CAST: variants seen among roughly 807,000 people sequenced by gnomAD.
The protein encoded by CAST is calpastatin, also known as MIR583 host.
Under a neutral mutation model 119.6 loss-of-function variants are expected in CAST, and 76 were observed. The observed-to-expected ratio is 0.64, with a 90% confidence interval of 0.53 to 0.77. The LOEUF (loss-of-function observed/expected upper bound fraction) is 0.77, where lower values mean the gene tolerates loss of function less well. Ranked by LOEUF, CAST falls within the 30% of genes least tolerant of loss-of-function variation. The pLI is 0.00. For synonymous variants in CAST, 319 were observed against 331.6 expected, an observed-to-expected ratio of 0.96 and a Z score of 0.41; for missense variants, 953 against 946.5, an observed-to-expected ratio of 1.01 and a Z score of -0.09.
the CAST span, chr5:96,398,918 G>A: frequency 5.6e-6 from 9 of 1,613,326 alleles, no homozygotes; most frequent in East Asian, 2.2e-5. Flanking sequence ...TCTCCTCTTC[G>A]GGAATATTCA....
the CAST span, among the ~76,000 whole-genome samples, chr5:96,367,101 C>G: frequency 1.3e-5 from 2 of 152,170 alleles, no homozygotes; most frequent in Non-Finnish European, 2.9e-5. Context: ...TGCTCCAGAC[C>G]TGTTTGCCTG....
At chr5:96,061,212 C>A in the CAST span, among the ~76,000 whole-genome samples, 1 of 151,984 alleles carries the variant, frequency 6.6e-6, no homozygotes, top group Non-Finnish European at 1.5e-5. Context: ...CTAGGACATG[C>A]CTTCTGTAGC....
the CAST span, among the ~76,000 whole-genome samples, chr5:96,469,107 A>G: frequency 1.3e-5 from 2 of 152,122 alleles, no homozygotes; most frequent in East Asian, 3.9e-4. Context: ...AGCAGGTGAC[A>G]GGGAGACCAT....
the CAST span, among the ~76,000 whole-genome samples, chr5:96,363,091 A>G: frequency 1.4e-5 from 2 of 146,226 alleles, no homozygotes; most frequent in Non-Finnish European, 3.0e-5. Context: ...TTAAATGGGG[A>G]ATCCTTTCCC....
chr5:96,730,701 G>A lies in CAST; in HGVS notation c.550-79G>A, dbSNP rs1013132691. 24 of 1,035,648 alleles carry A rather than the reference G, an allele frequency of 2.3e-5. No homozygotes were observed. The South Asian group carries it at 3.1e-4, about 13-fold the overall frequency. The allele number at this position is 1,035,648 out of a possible 1,614,324, so 64.2% of individuals were successfully genotyped here. On this transcript the variant is annotated intron_variant, in intron 8 of 31. Coordinates refer to ENST00000675179, the MANE Select transcript of CAST (RefSeq NM_001750.7). ...TGAGGGTGAACTGGCAGATGTTAGT[G>A]ACATTTGAAACTCATGATCTTGATA...
At chr5:96,032,351 A>G in the CAST span, among the ~76,000 whole-genome samples, 2 of 152,124 alleles carry the variant, frequency 1.3e-5, no homozygotes, top group Non-Finnish European at 2.9e-5. Flanking sequence ...ATTTGAGGCA[A>G]TGGTAAAAAA....
intron 3 of CAST, among the ~76,000 whole-genome samples, chr5:96,720,964 C>G (rs79501262): frequency 0.012 from 1,840 of 152,248 alleles, 38 homozygotes; most frequent in South Asian, 0.033. Context: ...GAATGGAAAT[C>G]TGTATAATCA....
chr5:96,626,351 G>T (rs1008933925), intron 1 of CAST, among the ~76,000 whole-genome samples: 2 of 152,128 alleles, frequency 1.3e-5, no homozygotes, highest in Non-Finnish European at 2.9e-5. Flanking sequence ...ATTAGGTAAG[G>T]TCCTCTCTCA....
At chr5:96,411,627 T>C in the CAST span, among the ~76,000 whole-genome samples, 2 of 152,202 alleles carry the variant, frequency 1.3e-5, no homozygotes, top group East Asian at 3.8e-4. Flanking sequence ...CACGTTTCTA[T>C]ATTTGAAAAG....
the CAST span, among the ~76,000 whole-genome samples, chr5:96,251,893 G>A: frequency 6.6e-6 from 1 of 152,080 alleles, no homozygotes; most frequent in African/African-American, 2.4e-5. Context: ...CACCTACAAG[G>A]CCAAATTAAA....
intron 19 of CAST, 126 bp downstream of exon 19, chr5:96,748,739 T>C: frequency 1.8e-6 from 1 of 561,362 alleles, no homozygotes; most frequent in Non-Finnish European, 3.2e-6. Context: ...TTTTTCCATG[T>C]CATTTTTGTC....
the CAST span, among the ~76,000 whole-genome samples, chr5:96,357,964 CTT>C: frequency 6.6e-6 from 1 of 151,900 alleles, no homozygotes; most frequent in African/African-American, 2.4e-5. Context: ...TGGTCCTGAA[CTT>C]TTTTTTGTTG....
the CAST span, chr5:95,965,345 A>C: frequency 6.6e-6 from 1 of 152,370 alleles, no homozygotes; most frequent in African/African-American, 2.4e-5. Flanking sequence ...ACACTAAAAA[A>C]GTTTTAGGCC....
the CAST span, among the ~76,000 whole-genome samples, chr5:96,132,888 T>C: frequency 6.6e-6 from 1 of 152,192 alleles, no homozygotes; most frequent in Non-Finnish European, 1.5e-5. Flanking sequence ...TAGTAAGTTC[T>C]CTAGACATAT....
the CAST span, among the ~76,000 whole-genome samples, chr5:96,030,194 C>A: frequency 1.5e-4 from 23 of 152,126 alleles, no homozygotes; most frequent in Non-Finnish European, 2.9e-4. Context: ...CTCTTTGTTA[C>A]TTTACTGATT....
Position 96,610,982 on chromosome 5 carries a change from T to G in CAST, c.61-64557T>G, listed in dbSNP as rs571665359. The stretch of plus-strand genomic sequence containing the variant: ...TGCGTCTAACCGTGGAGGGGAAAGA[T>G]GTCTGCAAAGAGCATTACAAAACAG... On this transcript the variant is annotated intron_variant, in intron 1 of 11. Transcript: ENST00000505143. 2.1e-4 allele frequency among the ~76,000 whole-genome samples: 32 copies of G among 152,172 alleles called. 1 individual carries two copies. The highest frequency in any genetic ancestry group is 2.0e-3 in the Admixed American group (30 of 15,270).
the CAST span, among the ~76,000 whole-genome samples, chr5:96,047,840 G>A: frequency 1.3e-5 from 2 of 152,160 alleles, no homozygotes; most frequent in South Asian, 4.1e-4. Flanking sequence ...GGCGCATGAT[G>A]CAATGAGGGA....
At chr5:96,082,517 C>T in the CAST span, among the ~76,000 whole-genome samples, 1 of 152,172 alleles carries the variant, frequency 6.6e-6, no homozygotes, top group Non-Finnish European at 1.5e-5. Context: ...AGATTTTTCT[C>T]TTACTGTCTA....
the CAST span, among the ~76,000 whole-genome samples, chr5:96,038,847 T>TAA: frequency 6.6e-6 from 1 of 152,196 alleles, no homozygotes; most frequent in Non-Finnish European, 1.5e-5. Context: ...TGCACATGTC[T>TAA]TTGTCATAGA....
Sources: gnomAD v4.1 joint callset for allele counts (sites outside exome capture counted in the v4.1 genomes callset) on GRCh38, gnomAD v4.1.1 for gene constraint, MANE v1.5 for transcripts, NCBI Gene and HGNC (gene_info 2026-07-23, HGNC 2026-07-21) for gene names.